Variants in LAPTM4B observed in about 807,000 individuals in gnomAD.
The protein encoded by LAPTM4B is lysosomal protein transmembrane 4 beta.
LAPTM4B carries 26 observed loss-of-function variants against 28.5 expected under a neutral mutation model. That is an observed-to-expected ratio of 0.91 (90% CI 0.67 to 1.27). LAPTM4B has a LOEUF of 1.27. Ranked by LOEUF, LAPTM4B falls within the 50% of genes most tolerant of loss-of-function variation. The pLI is 0.00. For synonymous variants in LAPTM4B, 109 were observed against 106.4 expected (o/e 1.02, Z -0.15); for missense variants, 288 against 285.8 (o/e 1.01, Z -0.06).
chr8:97,789,234 C>T lies in LAPTM4B; in HGVS notation c.99+13126C>T, dbSNP rs934716022. Among the ~76,000 whole-genome samples the T allele has an allele frequency of 5.3e-5, 8 of 151,392 alleles. No homozygotes were observed. In the South Asian group the frequency reaches 8.4e-4, roughly 16 times the overall value. ...GATTACAGGCAAGTGCCACCACGCC[C>T]GGCTAATTTTTTGTATTTTTAGTAG... On this transcript the variant is annotated intron_variant, in intron 1 of 6. Transcript: ENST00000521545.
In LAPTM4B at chr8:97,825,148, A is replaced by G. The variant is rs752679526; in HGVS notation, c.598A>G (p.Thr200Ala). ...DVLVYVTSND[T>A]TVLLPPYDDA... ...CCTGGTTTATGTTACCAGCAATGAC[A>G]CTACGGTAGGTATGATGTCACTTAT... Residue 200 changes from threonine to alanine, a missense_variant, in exon 6 of 7, where the codon ACT becomes GCT. Coordinates refer to ENST00000521545, the MANE Select transcript of LAPTM4B (RefSeq NM_018407.6). 5 of 1,562,576 alleles carry G rather than the reference A, an allele frequency of 3.2e-6. No individual in the cohort carries two copies. The highest frequency in any genetic ancestry group is 1.7e-5 in the Admixed American group (1 of 59,876).
rs1394868028 is a variant in LAPTM4B at position 97,852,475 on chromosome 8, A to G, written c.*1001A>G. 6.6e-6 allele frequency: 1 copy of G among 152,144 alleles called. No individual in the cohort carries two copies. Among genetic ancestry groups the G allele is most frequent in the Non-Finnish European group, 1.5e-5 (1 of 68,048 alleles). The allele number at this position is 152,144 out of a possible 1,614,324, so 9.4% of individuals were successfully genotyped here. A position where few individuals can be genotyped will look rare whatever the true frequency, so the allele number is the denominator to read the frequency against. On this transcript the variant is annotated 3_prime_UTR_variant, in exon 7 of 7. Coordinates refer to ENST00000521545, the MANE Select transcript of LAPTM4B (RefSeq NM_018407.6). ...CTTGTATGCGCTTTTTACCTTGACT[A>G]CCTGAATTGCAAGGGATTTTTATAT...
chr8:97,822,081 C>T lies in LAPTM4B; in HGVS notation c.507+2843C>T, dbSNP rs542413777. Among the ~76,000 whole-genome samples the T allele has an allele frequency of 2.8e-4, 43 of 152,210 alleles. 1 individual carries two copies. In the East Asian group the frequency reaches 6.4e-3, roughly 23 times the overall value. ...TACTGCCTTGCAGCTCCAGCTCCTC[C>T]GCTCCAGTTTCTTGGCTGGTATTTG... On this transcript the variant is annotated intron_variant, in intron 5 of 6. Coordinates refer to ENST00000521545, the MANE Select transcript of LAPTM4B (RefSeq NM_018407.6).
intron 6 of LAPTM4B, among the ~76,000 whole-genome samples, chr8:97,841,658 C>T (rs915672917): frequency 6.6e-6 from 1 of 152,200 alleles, no homozygotes; most frequent in Non-Finnish European, 1.5e-5. Flanking sequence ...CTTTGTATTT[C>T]TGATTATTCG....
chr8:97,801,687 C>CA (rs1233045986), intron 1 of LAPTM4B, among the ~76,000 whole-genome samples: 4 of 151,858 alleles, frequency 2.6e-5, no homozygotes, highest in African/African-American at 7.3e-5. Context: ...AATAAAAATA[C>CA]AAAAAATTAG....
intron 6 of LAPTM4B, among the ~76,000 whole-genome samples, chr8:97,833,206 T>TG (rs1817211258): frequency 6.6e-6 from 1 of 151,720 alleles, no homozygotes; most frequent in South Asian, 2.1e-4. Flanking sequence ...TGGTGGCACA[T>TG]GCCTGTAATC....
chr8:97,811,900 G>A (rs898681052), intron 2 of LAPTM4B, among the ~76,000 whole-genome samples: 3 of 152,044 alleles, frequency 2.0e-5, no homozygotes, highest in African/African-American at 7.2e-5. Flanking sequence ...CTGCCTCATG[G>A]GCTCAAGCAG....
intron 5 of LAPTM4B, among the ~76,000 whole-genome samples, chr8:97,819,911 A>G (rs1816978262): frequency 6.6e-6 from 1 of 151,758 alleles, no homozygotes; most frequent in Non-Finnish European, 1.5e-5. Flanking sequence ...ATTTTTTTGT[A>G]TTTTTAGTAG....
chr8:97,816,089 GT>G lies in LAPTM4B; in HGVS notation c.319del (p.Tyr107ThrfsTer8), dbSNP rs1291965290. The G allele has an allele frequency of 2.5e-6, 4 of 1,613,390 alleles. No homozygotes were observed. The highest frequency in any genetic ancestry group is 3.4e-6 in the Non-Finnish European group (4 of 1,179,724). Reference protein sequence around the residue: ...QRAAWIIPFFCYQIFDFALNM... With the variant: ...QRAAWIIPFFXYQIFDFALNM... ...GCAGCCTGGATCATCCCATTCTTCT[GT>G]TACCAGATCTTTGACTTTGCCCTGA... On this transcript the variant is annotated frameshift_variant, in exon 4 of 7. Coordinates refer to ENST00000521545, the MANE Select transcript of LAPTM4B (RefSeq NM_018407.6). LOFTEE classifies it high-confidence loss of function.
At chr8:97,850,476 G>GTGTGTA (rs1554594412) in intron 6 of LAPTM4B, among the ~76,000 whole-genome samples, 4 of 147,560 alleles carry the variant, frequency 2.7e-5, no homozygotes, top group African/African-American at 5.1e-5. Context: ...GTGTGTGTGT[G>GTGTGTA]TGTGTGTGTG....
At position 97,775,960 on chromosome 8, in the gene LAPTM4B, C is replaced by A; in HGVS notation, c.-50C>A. The A allele has an allele frequency of 6.6e-7, 1 of 1,522,068 alleles. No individual in the cohort carries two copies. Among genetic ancestry groups the A allele is most frequent in the Non-Finnish European group, 8.7e-7 (1 of 1,144,342 alleles). The allele number at this position is 1,522,068 out of a possible 1,614,324, so 94.3% of individuals were successfully genotyped here. A position where few individuals can be genotyped will look rare whatever the true frequency, so the allele number is the denominator to read the frequency against. On this transcript the variant is annotated 5_prime_UTR_variant, in exon 1 of 7. Coordinates refer to ENST00000521545, the MANE Select transcript of LAPTM4B (RefSeq NM_018407.6). ...CGCGGCGGGCTCCAGGCGAGGCGGT[C>A]GACGCTCCTGAAAACTTGCGCGCGC...
At chr8:97,822,479 C>A (rs1017357590) in intron 5 of LAPTM4B, among the ~76,000 whole-genome samples, 1 of 151,910 alleles carries the variant, frequency 6.6e-6, no homozygotes, top group Non-Finnish European at 1.5e-5. Flanking sequence ...GCCCACATCA[C>A]ATTTTGAGTC....
chr8:97,819,019 C>A, intron 4 of LAPTM4B, 121 bp from the exon 5 acceptor site: 1 of 659,882 alleles, frequency 1.5e-6, no homozygotes, highest in Non-Finnish European at 2.7e-6. Flanking sequence ...TGTATTGGTT[C>A]TAAATAATAG....
At chr8:97,793,614 T>C (rs1474605837) in intron 1 of LAPTM4B, among the ~76,000 whole-genome samples, 2 of 152,188 alleles carry the variant, frequency 1.3e-5, no homozygotes, top group Admixed American at 1.3e-4. Context: ...ACTTCAGCGA[T>C]AGAGAATTAG....
chr8:97,798,331 G>A (rs960211882), intron 1 of LAPTM4B, among the ~76,000 whole-genome samples: 7 of 152,204 alleles, frequency 4.6e-5, no homozygotes, highest in Admixed American at 2.6e-4. Flanking sequence ...CATTCATGGT[G>A]TGCCAGATTC....
intron 1 of LAPTM4B, among the ~76,000 whole-genome samples, chr8:97,785,769 G>C (rs1256639637): frequency 6.6e-6 from 1 of 152,214 alleles, no homozygotes. Flanking sequence ...ATTTGCAGCT[G>C]CTTGTGGCAA....
At chr8:97,814,555 TA>T (rs1325468431) in intron 2 of LAPTM4B, among the ~76,000 whole-genome samples, 1 of 151,292 alleles carries the variant, frequency 6.6e-6, no homozygotes, top group Non-Finnish European at 1.5e-5. Flanking sequence ...AAAAAATAAA[TA>T]AAATAGAATG....
At position 97,776,102 on chromosome 8, in the gene LAPTM4B, G is replaced by T. The variant is rs763486803; in HGVS notation, c.93G>T (p.Trp31Cys). 6.3e-7 allele frequency: 1 copy of T among 1,577,788 alleles called. No individual in the cohort carries two copies. ...VRTGTILLGV[W>C]YLIINAVVLL... Reference sequence around the variant, plus strand: ...CCGGCACCATCCTGCTCGGCGTCTGGTATCTGGTGAGCGCGGCGCGCCCGG... The same window carrying T: ...CCGGCACCATCCTGCTCGGCGTCTGTTATCTGGTGAGCGCGGCGCGCCCGG... Residue 31 changes from tryptophan to cysteine, a missense_variant, in exon 1 of 7, where the codon TGG becomes TGT. Coordinates refer to ENST00000521545, the MANE Select transcript of LAPTM4B (RefSeq NM_018407.6).
rs573930729 is a variant in LAPTM4B, at chr8:97,844,673, A to G, written c.604-6724A>G. Among the ~76,000 whole-genome samples, 13 of 152,248 alleles carry G rather than the reference A, an allele frequency of 8.5e-5. No individual in the cohort carries two copies. In the East Asian group the frequency reaches 1.4e-3, roughly 16 times the overall value. On this transcript the variant is annotated intron_variant, in intron 6 of 6. Transcript: ENST00000521545. ...CTCCCCCTTGCTTTACTTAGTGTCT[A>G]TACTGCACGTGTTCAGGCCCTACTT...
Sources: gnomAD v4.1 joint callset for allele counts (sites outside exome capture counted in the v4.1 genomes callset) on GRCh38, gnomAD v4.1.1 for gene constraint, MANE v1.5 for transcripts, NCBI Gene and HGNC (gene_info 2026-07-23, HGNC 2026-07-21) for gene names.